FNDC3A: variants seen among roughly 807,000 people sequenced by gnomAD.
FNDC3A encodes fibronectin type III domain containing 3A.
A neutral mutation model predicts 148.9 loss-of-function variants in FNDC3A; 32 were observed. The observed-to-expected ratio is 0.21, with a 90% confidence interval of 0.16 to 0.29. The LOEUF (loss-of-function observed/expected upper bound fraction) is 0.29. FNDC3A is among the 10% of genes least tolerant of loss of function. The probability of loss-of-function intolerance (pLI) is 1.00; values close to 1 mark genes in which losing one functional copy is unlikely to be tolerated. For synonymous variants in FNDC3A, 472 were observed against 473.6 expected (o/e 1.00, Z 0.04); for missense variants, 1,191 against 1,452.8 (o/e 0.82, Z 2.93).
chr13:49,069,865 G>A (rs1415623340), intron 2 of FNDC3A, among the ~76,000 whole-genome samples: 6 of 152,152 alleles, frequency 3.9e-5, no homozygotes, highest in Non-Finnish European at 5.9e-5. Flanking sequence ...GCAGATACTA[G>A]TATGAGTGAG....
At chr13:49,112,523 GT>G (rs1880642232) in intron 3 of FNDC3A, among the ~76,000 whole-genome samples, 1 of 152,064 alleles carries the variant, frequency 6.6e-6, no homozygotes, top group Non-Finnish European at 1.5e-5. Flanking sequence ...TTTCTCTCAT[GT>G]TTTTACGGAT....
At chr13:49,074,014 G>T (rs999757514) in intron 2 of FNDC3A, among the ~76,000 whole-genome samples, 3 of 151,844 alleles carry the variant, frequency 2.0e-5, no homozygotes, top group Non-Finnish European at 4.4e-5. Context: ...CAGGGTTGCA[G>T]ACAATGTAGT....
At chr13:49,155,494 A>G (rs1883607775) in intron 8 of FNDC3A, among the ~76,000 whole-genome samples, 1 of 142,938 alleles carries the variant, frequency 7.0e-6, no homozygotes, top group Admixed American at 7.0e-5. Context: ...TAATTTTTTG[A>G]AGGGTTTTTT....
At chr13:49,194,673 G>A (rs1886062561) in intron 19 of FNDC3A, among the ~76,000 whole-genome samples, 1 of 152,068 alleles carries the variant, frequency 6.6e-6, no homozygotes. Flanking sequence ...GATAGAAACT[G>A]GTAGTGTTGA....
At chr13:49,137,093 C>T (rs949190746) in intron 6 of FNDC3A, among the ~76,000 whole-genome samples, 2 of 152,164 alleles carry the variant, frequency 1.3e-5, no homozygotes, top group East Asian at 1.9e-4. Flanking sequence ...TCTCAAAGTG[C>T]TGCAATTATA....
At chr13:49,045,678 A>C (rs1875340070) in intron 2 of FNDC3A, 1 of 1,127,648 alleles carries the variant, frequency 8.9e-7, no homozygotes, top group East Asian at 2.8e-5. Context: ...GAAGAGAAAC[A>C]GAGAAACAAC....
chr13:49,048,959 A>T (rs750558782), intron 2 of FNDC3A, among the ~76,000 whole-genome samples: 2 of 152,124 alleles, frequency 1.3e-5, no homozygotes, highest in African/African-American at 2.4e-5. Flanking sequence ...GGTTTGTCAT[A>T]GATGGTTTTT....
intron 2 of FNDC3A, among the ~76,000 whole-genome samples, chr13:49,061,311 TC>T (rs1876674746): frequency 8.0e-6 from 1 of 125,326 alleles, no homozygotes; most frequent in South Asian, 3.1e-4. Flanking sequence ...CCATTTTCCC[TC>T]TCTTCTCTTC....
At chr13:49,197,554 A>C (rs1344711621) in intron 20 of FNDC3A, among the ~76,000 whole-genome samples, 171 bp from the exon 21 acceptor site, 2 of 152,240 alleles carry the variant, frequency 1.3e-5, no homozygotes, top group Non-Finnish European at 2.9e-5. Context: ...AAATTCAGAT[A>C]ATCTTAATGA....
intron 25 of FNDC3A, among the ~76,000 whole-genome samples, chr13:49,206,548 C>T (rs1025500567): frequency 6.6e-6 from 1 of 152,084 alleles, no homozygotes; most frequent in Non-Finnish European, 1.5e-5. Context: ...CAGAGGAGGT[C>T]CTATTTTCTG....
chr13:48,988,844 CAAA>C (rs111401139), intron 1 of FNDC3A, among the ~76,000 whole-genome samples: 1 of 83,520 alleles, frequency 1.2e-5, no homozygotes, highest in Non-Finnish European at 2.6e-5. Context: ...GAACTTGTCT[CAAA>C]AAAAAAAAAA....
chr13:49,098,181 T>C (rs567655943), intron 3 of FNDC3A, among the ~76,000 whole-genome samples: 45 of 152,236 alleles, frequency 3.0e-4, no homozygotes, highest in African/African-American at 1.0e-3. Flanking sequence ...TTAGATATTA[T>C]GTAAAAAGAG....
intron 3 of FNDC3A, among the ~76,000 whole-genome samples, chr13:49,084,492 T>A (rs894897116): frequency 6.6e-6 from 1 of 152,200 alleles, no homozygotes; most frequent in Non-Finnish European, 1.5e-5. Context: ...AAATATTGAT[T>A]TAAATATGTA....
chr13:49,100,594 G>A (rs1040690289), intron 3 of FNDC3A, among the ~76,000 whole-genome samples: 1 of 152,174 alleles, frequency 6.6e-6, no homozygotes, highest in South Asian at 2.1e-4. Flanking sequence ...CTTTTATAAT[G>A]TTTGAAGTTA....
chr13:48,986,918 CAT>C (rs35053988), intron 1 of FNDC3A, among the ~76,000 whole-genome samples: 10,479 of 152,146 alleles, frequency 0.069, 483 homozygotes, highest in Middle Eastern at 0.14. Context: ...GTGAAGGAAA[CAT>C]GTTAATATGG....
chr13:49,110,587 GTATTCCACGGAA>G, intron 3 of FNDC3A, among the ~76,000 whole-genome samples: 1 of 152,184 alleles, frequency 6.6e-6, no homozygotes, highest in East Asian at 1.9e-4. Flanking sequence ...TTGTAATTTT[GTATTCCACGGAA>G]TATTCCATTC....
At chr13:49,000,964 T>TTG (rs149236388) in intron 1 of FNDC3A, among the ~76,000 whole-genome samples, 46,022 of 149,980 alleles carry the variant, frequency 0.31, 6,998 homozygotes, top group South Asian at 0.46. Context: ...TTTTGTGTGT[T>TTG]TGTGTGTGTG....
chr13:49,140,768 A>G (rs1344562501), intron 7 of FNDC3A, among the ~76,000 whole-genome samples: 1 of 152,262 alleles, frequency 6.6e-6, no homozygotes, highest in Non-Finnish European at 1.5e-5. Flanking sequence ...CAGTAAACTA[A>G]GCATCACACA....
At chr13:49,040,897 T>G (rs1378246313) in intron 2 of FNDC3A, among the ~76,000 whole-genome samples, 1 of 152,184 alleles carries the variant, frequency 6.6e-6, no homozygotes, top group Non-Finnish European at 1.5e-5. Flanking sequence ...TGGAAACAGT[T>G]TTTTTGACAT....
Sources: gnomAD v4.1 joint callset for allele counts (sites outside exome capture counted in the v4.1 genomes callset) on GRCh38, gnomAD v4.1.1 for gene constraint, MANE v1.5 for transcripts, NCBI Gene and HGNC (gene_info 2026-07-23, HGNC 2026-07-21) for gene names.